CACNA2D3: variants seen among roughly 807,000 people sequenced by gnomAD.
CACNA2D3 encodes the protein calcium voltage-gated channel auxiliary subunit alpha2delta 3.
Under a neutral mutation model 160.6 loss-of-function variants are expected in CACNA2D3, and 60 were observed. That is an observed-to-expected ratio of 0.37 (90% CI 0.30 to 0.46). CACNA2D3 has a LOEUF of 0.46. Among genes scored for constraint, CACNA2D3 ranks in the 20% least tolerant of loss-of-function variants. CACNA2D3 has a pLI of 1.00. For synonymous variants in CACNA2D3, 558 were observed against 492.9 expected (o/e 1.13, Z -1.75); for missense variants, 1,205 against 1,365.0 (o/e 0.88, Z 1.85).
rs1320371688 is a variant in CACNA2D3 at position 54,836,357 on chromosome 3, C to T, written c.1399-802C>T. On this transcript the variant is annotated intron_variant, in intron 14 of 37. Coordinates refer to ENST00000474759, the MANE Select transcript of CACNA2D3 (RefSeq NM_018398.3). ...TCACACCATTCTCCTGCCTCAGCCTCCCGAGTAGCTGGGACTACAGGCACC... is the reference window on the plus strand; with the variant it reads ...TCACACCATTCTCCTGCCTCAGCCTTCCGAGTAGCTGGGACTACAGGCACC... 3.3e-5 allele frequency among the ~76,000 whole-genome samples: 5 copies of T among 151,896 alleles called. No individual in the cohort carries two copies. In the East Asian group the frequency reaches 9.7e-4, roughly 30 times the overall value.
chr3:55,044,832 G>A (rs926071475), intron 35 of CACNA2D3, among the ~76,000 whole-genome samples: 2 of 151,996 alleles, frequency 1.3e-5, no homozygotes, highest in Non-Finnish European at 2.9e-5. Context: ...ATCAAAAAAG[G>A]TTGCTAAAGT....
intron 11 of CACNA2D3, among the ~76,000 whole-genome samples, chr3:54,746,457 T>C (rs115567425): frequency 1.2e-3 from 179 of 152,324 alleles, no homozygotes; most frequent in African/African-American, 3.9e-3. Context: ...TTTTAGGGAA[T>C]AACTGAGTTG....
At chr3:54,899,408 C>T (rs1700274639) in intron 26 of CACNA2D3, among the ~76,000 whole-genome samples, 1 of 152,166 alleles carries the variant, frequency 6.6e-6, no homozygotes, top group Non-Finnish European at 1.5e-5. Context: ...CCTCATACAG[C>T]TCTTCATGGT....
chr3:54,571,258 T>C (rs1354845867), intron 8 of CACNA2D3, among the ~76,000 whole-genome samples: 1 of 152,158 alleles, frequency 6.6e-6, no homozygotes, highest in African/African-American at 2.4e-5. Context: ...CGTCCTAGGC[T>C]TCAGAGAGAA....
intron 18 of CACNA2D3, chr3:54,874,536 GA>G (rs1327327720): frequency 6.6e-6 from 1 of 152,012 alleles, no homozygotes; most frequent in Non-Finnish European, 1.5e-5. Flanking sequence ...ATTATTAATA[GA>G]AAAAAACTCA....
intron 2 of CACNA2D3, among the ~76,000 whole-genome samples, chr3:54,287,097 T>G (rs1380633367): frequency 6.6e-6 from 1 of 151,886 alleles, no homozygotes; most frequent in Admixed American, 6.6e-5. Context: ...TAAATGTAAA[T>G]GGACTAAATG....
chr3:54,219,314 C>A (rs1018395593), intron 2 of CACNA2D3, among the ~76,000 whole-genome samples: 1 of 152,202 alleles, frequency 6.6e-6, no homozygotes, highest in Non-Finnish European at 1.5e-5. Context: ...TCAGGGCTTC[C>A]TACCTCTCCC....
At chr3:54,472,029 C>A (rs1290631586) in intron 4 of CACNA2D3, among the ~76,000 whole-genome samples, 1 of 152,142 alleles carries the variant, frequency 6.6e-6, no homozygotes, top group East Asian at 1.9e-4. Flanking sequence ...AAAAGGGACT[C>A]CTCCCTAACA....
chr3:54,941,843 T>A (rs935235786), intron 27 of CACNA2D3, among the ~76,000 whole-genome samples: 6 of 152,124 alleles, frequency 3.9e-5, no homozygotes, highest in African/African-American at 1.4e-4. Flanking sequence ...ATTGGCCTCC[T>A]CCCTGCCACA....
chr3:54,562,384 G>C (rs937398078), intron 5 of CACNA2D3, among the ~76,000 whole-genome samples: 7 of 152,132 alleles, frequency 4.6e-5, no homozygotes, highest in African/African-American at 1.4e-4. Context: ...TGGTGGCTGA[G>C]GTGATTACAG....
intron 27 of CACNA2D3, among the ~76,000 whole-genome samples, chr3:54,902,061 G>A (rs1290517634): frequency 3.3e-5 from 5 of 152,236 alleles, no homozygotes; most frequent in Non-Finnish European, 7.3e-5. Flanking sequence ...TATGTGAGCA[G>A]GCTTTTCTCC....
intron 2 of CACNA2D3, among the ~76,000 whole-genome samples, chr3:54,164,658 A>G (rs1281469919): frequency 6.6e-6 from 1 of 152,130 alleles, no homozygotes; most frequent in Non-Finnish European, 1.5e-5. Flanking sequence ...CATCCCTTAG[A>G]GACCTTCGGA....
At chr3:54,519,106 T>TGCACACGGAAGTCATGGTGACGAA (rs1553708324) in intron 5 of CACNA2D3, among the ~76,000 whole-genome samples, 6 of 152,194 alleles carry the variant, frequency 3.9e-5, no homozygotes, top group African/African-American at 7.2e-5. Context: ...CCAACTGTCC[T>TGCACACGGAAGTCATGGTGACGAA]CAGTTGACAG....
intron 2 of CACNA2D3, among the ~76,000 whole-genome samples, chr3:54,237,290 C>T (rs768297612): frequency 5.9e-5 from 9 of 152,202 alleles, no homozygotes; most frequent in Admixed American, 4.6e-4. Context: ...TAAAGTTTGC[C>T]GTGCAGGGGA....
chr3:54,862,378 TACACAC>T (rs113055285), intron 17 of CACNA2D3, among the ~76,000 whole-genome samples: 55,129 of 149,530 alleles, frequency 0.37, 10,511 homozygotes, highest in Admixed American at 0.52. Context: ...TAAATAAAAT[TACACAC>T]ACACACACAC....
In CACNA2D3 at chr3:54,837,677, A is replaced by G. The variant is rs115511498; in HGVS notation, c.1470+447A>G. On this transcript the variant is annotated intron_variant, in intron 15 of 37. Coordinates refer to ENST00000474759, the MANE Select transcript of CACNA2D3 (RefSeq NM_018398.3). Reference sequence around the variant, plus strand: ...GGGCCATGCTCCCTCTGAAGGTTCTAGGGAAGAATTTCTCCTTGCCTCTTT... The same window carrying G: ...GGGCCATGCTCCCTCTGAAGGTTCTGGGGAAGAATTTCTCCTTGCCTCTTT... 4.5e-3 allele frequency among the ~76,000 whole-genome samples: 689 copies of G among 152,284 alleles called. 4 individuals are homozygous for G. The highest frequency in any genetic ancestry group is 6.8e-3 in the Non-Finnish European group (463 of 68,008).
At chr3:54,842,781 A>T (rs532849568) in intron 16 of CACNA2D3, among the ~76,000 whole-genome samples, 1 of 150,974 alleles carries the variant, frequency 6.6e-6, no homozygotes, top group Admixed American at 6.6e-5. Context: ...TTGTATTTTT[A>T]GTAGAGATGG....
intron 25 of CACNA2D3, among the ~76,000 whole-genome samples, chr3:54,893,349 A>G (rs1356089570): frequency 1.3e-5 from 2 of 151,908 alleles, no homozygotes; most frequent in Non-Finnish European, 2.9e-5. Flanking sequence ...TGTGTGTTCT[A>G]TTCTTTGTGG....
At chr3:54,474,779 T>C (rs1241903275) in intron 4 of CACNA2D3, among the ~76,000 whole-genome samples, 1 of 152,096 alleles carries the variant, frequency 6.6e-6, no homozygotes, top group Non-Finnish European at 1.5e-5. Context: ...CAAGTTTGAA[T>C]TGAACTTTTT....
Sources: gnomAD v4.1 joint callset for allele counts (sites outside exome capture counted in the v4.1 genomes callset) on GRCh38, gnomAD v4.1.1 for gene constraint, MANE v1.5 for transcripts, NCBI Gene and HGNC (gene_info 2026-07-23, HGNC 2026-07-21) for gene names.